NEGR1: variants seen among roughly 807,000 people sequenced by gnomAD.
NEGR1 encodes the protein IgLON family member 4.
In NEGR1, 10 loss-of-function variants were observed where a neutral mutation model predicts 40.9. The ratio of observed to expected loss-of-function variants is 0.24; its 90% CI spans 0.15 to 0.42. NEGR1 has a LOEUF of 0.42. Among genes scored for constraint, NEGR1 ranks in the 10% least tolerant of loss-of-function variants. The pLI, the probability that NEGR1 is intolerant of heterozygous loss-of-function variation, is 1.00. For synonymous variants in NEGR1, 185 were observed against 166.8 expected, an observed-to-expected ratio of 1.11 and a Z score of -0.84; for missense variants, 352 against 438.9, an observed-to-expected ratio of 0.80 and a Z score of 1.77.
intron 3 of NEGR1, among the ~76,000 whole-genome samples, chr1:71,758,188 G>A (rs1655807405): frequency 6.6e-6 from 1 of 151,866 alleles, no homozygotes; most frequent in Non-Finnish European, 1.5e-5. Context: ...ATATAATATT[G>A]CCTTTTCAAT....
chr1:72,108,441 A>G (rs1166999721), intron 1 of NEGR1, among the ~76,000 whole-genome samples: 1 of 151,636 alleles, frequency 6.6e-6, no homozygotes, highest in Non-Finnish European at 1.5e-5. Context: ...CAATATGATT[A>G]ATTGGTTTGT....
In NEGR1 at chr1:72,172,735, G is replaced by A. The variant is rs530011195; in HGVS notation, c.176+109584C>T. ...CTGGGCTAAAATCAAGGTGTTCGCA[G>A]ATTTGCATTCCTTCTGGAGGCTCTG... On this transcript the variant is annotated intron_variant, in intron 1 of 6. Transcript: ENST00000357731. 1.4e-4 allele frequency among the ~76,000 whole-genome samples: 21 copies of A among 152,268 alleles called. No homozygotes were observed. In the East Asian group the frequency reaches 4.1e-3, roughly 30 times the overall value.
intron 6 of NEGR1, among the ~76,000 whole-genome samples, chr1:71,539,907 G>T (rs1015951913): frequency 1.3e-5 from 2 of 151,718 alleles, no homozygotes; most frequent in Non-Finnish European, 2.9e-5. Context: ...TATATTCAAA[G>T]TTGCTCCAAT....
At chr1:71,903,546 CT>C (rs1190543005) in intron 2 of NEGR1, among the ~76,000 whole-genome samples, 1 of 151,862 alleles carries the variant, frequency 6.6e-6, no homozygotes. Context: ...AAGAAATATC[CT>C]AGAAGTCCCA....
chr1:71,898,610 G>A (rs1468334098), intron 2 of NEGR1, among the ~76,000 whole-genome samples: 2 of 151,676 alleles, frequency 1.3e-5, no homozygotes, highest in African/African-American at 4.8e-5. Context: ...GCGAGACTCC[G>A]TCTCAAAAAA....
chr1:71,417,723 T>C (rs1216367009), intron 6 of NEGR1, among the ~76,000 whole-genome samples: 1 of 152,186 alleles, frequency 6.6e-6, no homozygotes, highest in Admixed American at 6.6e-5. Context: ...CCTTCTAGTG[T>C]TATGATAAGC....
At chr1:72,021,844 A>G (rs1646759287) in intron 1 of NEGR1, among the ~76,000 whole-genome samples, 1 of 152,168 alleles carries the variant, frequency 6.6e-6, no homozygotes, top group African/African-American at 2.4e-5. Flanking sequence ...TTCAAAGCGT[A>G]GAAACAAGAG....
chr1:71,777,141 T>A (rs1656541262), intron 2 of NEGR1, among the ~76,000 whole-genome samples: 1 of 152,190 alleles, frequency 6.6e-6, no homozygotes, highest in Non-Finnish European at 1.5e-5. Context: ...CTATATTCTT[T>A]GAGAAACCAA....
At position 71,821,630 on chromosome 1, in the gene NEGR1, G is replaced by A. The variant is rs140254637; in HGVS notation, c.410-45333C>T. On this transcript the variant is annotated intron_variant, in intron 2 of 6. Transcript: ENST00000357731. ...CACGTAATTTGGTGAAGCCTGCAGTGTTGGAGCTATCAGTGATGGGAAAAA... is the reference window on the plus strand; with the variant it reads ...CACGTAATTTGGTGAAGCCTGCAGTATTGGAGCTATCAGTGATGGGAAAAA... Among the ~76,000 whole-genome samples, 414 of 152,052 alleles carry A rather than the reference G, an allele frequency of 2.7e-3. 3 individuals carry two copies. The highest frequency in any genetic ancestry group is 9.7e-3 in the African/African-American group (401 of 41,538).
chr1:72,142,677 A>C (rs1192466902), intron 1 of NEGR1, among the ~76,000 whole-genome samples: 1 of 151,888 alleles, frequency 6.6e-6, no homozygotes, highest in African/African-American at 2.4e-5. Flanking sequence ...CTTCCAGGCT[A>C]CCTTACATAT....
chr1:71,506,229 G>A (rs987865708), intron 6 of NEGR1, among the ~76,000 whole-genome samples: 2 of 152,186 alleles, frequency 1.3e-5, no homozygotes, highest in Admixed American at 6.5e-5. Context: ...AGGCAATGAA[G>A]GAGCTAAAGC....
At chr1:71,559,821 C>A (rs1025179614) in intron 6 of NEGR1, among the ~76,000 whole-genome samples, 2 of 119,940 alleles carry the variant, frequency 1.7e-5, no homozygotes, top group Non-Finnish European at 3.6e-5. Flanking sequence ...ATACAGTCTA[C>A]ATTATCATTC....
chr1:72,052,284 A>C (rs1255298550), intron 1 of NEGR1, among the ~76,000 whole-genome samples: 1 of 151,392 alleles, frequency 6.6e-6, no homozygotes, highest in Non-Finnish European at 1.5e-5. Context: ...AGAACTCTTG[A>C]TTATTGCTTT....
intron 3 of NEGR1, among the ~76,000 whole-genome samples, chr1:71,735,403 A>C (rs1655013021): frequency 6.6e-6 from 1 of 152,114 alleles, no homozygotes; most frequent in Non-Finnish European, 1.5e-5. Context: ...TAATTTTCAA[A>C]GTACTTCAAA....
At chr1:71,628,056 C>T (rs566774251) in intron 4 of NEGR1, among the ~76,000 whole-genome samples, 2 of 152,118 alleles carry the variant, frequency 1.3e-5, no homozygotes, top group South Asian at 4.1e-4. Context: ...CCCATTTCTT[C>T]AGTGACCACA....
intron 2 of NEGR1, among the ~76,000 whole-genome samples, chr1:71,846,737 C>T (rs895029296): frequency 1.4e-4 from 22 of 152,240 alleles, no homozygotes; most frequent in East Asian, 5.8e-4. Flanking sequence ...GCTCTGTGCC[C>T]GGTGAGGGCC....
chr1:71,465,297 T>G (rs908000949), intron 6 of NEGR1, among the ~76,000 whole-genome samples: 1 of 152,072 alleles, frequency 6.6e-6, no homozygotes, highest in Non-Finnish European at 1.5e-5. Flanking sequence ...TATGACAGTC[T>G]CTGCCTTGAT....
intron 1 of NEGR1, among the ~76,000 whole-genome samples, chr1:71,972,939 G>A (rs1190818280): frequency 1.3e-5 from 2 of 152,090 alleles, no homozygotes; most frequent in Non-Finnish European, 2.9e-5. Flanking sequence ...TACCCCCGAA[G>A]TCCCATCTTA....
chr1:72,057,911 A>G (rs901316), intron 1 of NEGR1, among the ~76,000 whole-genome samples: 3,045 of 151,512 alleles, frequency 0.02, 90 homozygotes, highest in African/African-American at 0.071. Flanking sequence ...TTTAACTTTA[A>G]TTACTTCCTA....
Sources: gnomAD v4.1 joint callset for allele counts (sites outside exome capture counted in the v4.1 genomes callset) on GRCh38, gnomAD v4.1.1 for gene constraint, MANE v1.5 for transcripts, NCBI Gene and HGNC (gene_info 2026-07-23, HGNC 2026-07-21) for gene names.